PADI3: variants seen among roughly 807,000 people sequenced by gnomAD.
PADI3 encodes the protein protein-arginine deiminase type-3.
PADI3 carries 53 observed loss-of-function variants against 71.5 expected under a neutral mutation model. The observed-to-expected ratio is 0.74, with a 90% CI of 0.59 to 0.93. PADI3 has a LOEUF of 0.93. PADI3 is among the 40% of genes least tolerant of loss of function. PADI3 has a pLI of 0.00. For missense variants in PADI3, 821 were observed against 868.0 expected (o/e 0.95, Z 0.68); for synonymous variants, 361 against 347.5 (o/e 1.04, Z -0.43).
Position 17,273,450 on chromosome 1 carries a change from G to A in PADI3, c.1155+3G>A. 1.2e-6 allele frequency: 2 copies of A among 1,602,194 alleles called. No homozygotes were observed. The highest frequency in any genetic ancestry group is 1.7e-6 in the Non-Finnish European group (2 of 1,169,856). Reference sequence around the variant, plus strand: ...ATTTCCCTTACAAAAGAATCCTGGTGAGTGGTCCCGGCCGCAGCCCACCCC... The same window carrying A: ...ATTTCCCTTACAAAAGAATCCTGGTAAGTGGTCCCGGCCGCAGCCCACCCC... On this transcript the variant is annotated splice_donor_region_variant and intron_variant, in intron 10 of 15. Coordinates refer to ENST00000375460, the MANE Select transcript of PADI3 (RefSeq NM_016233.2).
At chr1:17,263,019 A>G (rs868212412) in intron 3 of PADI3, among the ~76,000 whole-genome samples, 1 of 152,306 alleles carries the variant, frequency 6.6e-6, no homozygotes, top group Middle Eastern at 3.4e-3. Context: ...GGTTCAAACG[A>G]TTCTCCTACC....
intron 4 of PADI3, among the ~76,000 whole-genome samples, chr1:17,266,267 T>C (rs1184763497): frequency 2.0e-5 from 3 of 152,104 alleles, no homozygotes; most frequent in African/African-American, 7.2e-5. Flanking sequence ...TGGAACTTGG[T>C]GCCCTGGGAG....
chr1:17,274,775 C>G lies in PADI3; in HGVS notation c.1296C>G (p.Gly432=). Residue 432 remains glycine, a synonymous_variant, in exon 11 of 16, where the codon GGC becomes GGG. Coordinates refer to ENST00000375460, the MANE Select transcript of PADI3 (RefSeq NM_016233.2). The stretch of plus-strand genomic sequence containing the variant: ...CCCTGGGGAGGATCCTCATTGGGGG[C>G]AACCTGCCTGGGTGAGAGAGAGACA... ...EYPLGRILIG[G]NLPGSSGRRV... The G allele has an allele frequency of 6.2e-7, 1 of 1,613,428 alleles. No homozygotes were observed. Among genetic ancestry groups the G allele is most frequent in the Non-Finnish European group, 8.5e-7 (1 of 1,179,628 alleles).
chr1:17,262,612 G>T (rs953974115), intron 3 of PADI3, among the ~76,000 whole-genome samples: 10 of 152,090 alleles, frequency 6.6e-5, no homozygotes, highest in African/African-American at 2.4e-4. Context: ...GAACAGATGG[G>T]GAATTTCAAC....
intron 1 of PADI3, among the ~76,000 whole-genome samples, chr1:17,254,386 G>A (rs1008372653): frequency 1.3e-5 from 2 of 152,160 alleles, no homozygotes; most frequent in African/African-American, 4.8e-5. Flanking sequence ...CTCCTAAAAT[G>A]TCTGATTTTG....
intron 4 of PADI3, 30 bp from the exon 5 acceptor site, chr1:17,266,689 T>C: frequency 6.3e-7 from 1 of 1,583,384 alleles, no homozygotes; most frequent in Non-Finnish European, 8.7e-7. Flanking sequence ...ATCTGAGCCC[T>C]CATCACTGGC....
At chr1:17,276,410 T>C in intron 11 of PADI3, 109 bp from the exon 12 acceptor site, 2 of 1,020,174 alleles carry the variant, frequency 2.0e-6, no homozygotes, top group Non-Finnish European at 3.0e-6. Context: ...TGCATGTTTT[T>C]TTGTTTTTTA....
Position 17,280,656 on chromosome 1 carries a change from C to T in PADI3, c.1636-15C>T, listed in dbSNP as rs2073388759. ...TGGCAAGGTGTCCCCAACTCTGGCC[C>T]TCCCCTGCCCCCAGAGCTGCATCGA... On this transcript the variant is annotated splice_polypyrimidine_tract_variant and intron_variant, in intron 14 of 15. Transcript: ENST00000375460. 2 of 1,614,060 alleles carry T rather than the reference C, an allele frequency of 1.2e-6. No individual in the cohort carries two copies. Among genetic ancestry groups the T allele is most frequent in the East Asian group, 4.5e-5 (2 of 44,886 alleles).
At chr1:17,254,617 A>C (rs1231862265) in intron 1 of PADI3, among the ~76,000 whole-genome samples, 1 of 152,018 alleles carries the variant, frequency 6.6e-6, no homozygotes, top group Non-Finnish European at 1.5e-5. Flanking sequence ...TTCCTCACCA[A>C]TGCCCCGTCT....
At chr1:17,281,631 T>G (rs1328420495) in intron 15 of PADI3, among the ~76,000 whole-genome samples, 1 of 152,054 alleles carries the variant, frequency 6.6e-6, no homozygotes, top group African/African-American at 2.4e-5. Context: ...TTCTGTATTT[T>G]TAGTAGAGAT....
At chr1:17,265,131 C>A (rs1428060623) in intron 3 of PADI3, among the ~76,000 whole-genome samples, 1 of 151,924 alleles carries the variant, frequency 6.6e-6, no homozygotes, top group Non-Finnish European at 1.5e-5. Flanking sequence ...TGATTCTGAC[C>A]TCCTGAATGC....
intron 9 of PADI3, 78 bp from the exon 10 acceptor site, chr1:17,273,251 CAGTCTGCCCCA>C: frequency 1.1e-5 from 10 of 940,958 alleles, no homozygotes; most frequent in Non-Finnish European, 1.6e-5. Flanking sequence ...ACTTGGTGAG[CAGTCTGCCCCA>C]CAGGGCTCAG....
At chr1:17,259,492 G>A (rs1557499923) in intron 1 of PADI3, 86 bp from the exon 2 acceptor site, 4 of 1,295,006 alleles carry the variant, frequency 3.1e-6, no homozygotes, top group Non-Finnish European at 3.2e-6. Flanking sequence ...AAGCTTCCTG[G>A]AGGAAGCAGG....
chr1:17,260,494 C>T (rs547142471), intron 2 of PADI3, among the ~76,000 whole-genome samples: 1 of 152,296 alleles, frequency 6.6e-6, no homozygotes, highest in East Asian at 1.9e-4. Context: ...GCCATGACCT[C>T]ATCCAGCCCT....
chr1:17,263,007 T>A (rs2073122292), intron 3 of PADI3, among the ~76,000 whole-genome samples: 1 of 152,178 alleles, frequency 6.6e-6, no homozygotes, highest in South Asian at 2.1e-4. Context: ...CTCCGCCTCC[T>A]GGGTTCAAAC....
intron 2 of PADI3, among the ~76,000 whole-genome samples, chr1:17,261,442 G>A (rs1311548026): frequency 6.6e-6 from 1 of 152,198 alleles, no homozygotes; most frequent in Non-Finnish European, 1.5e-5. Flanking sequence ...GAGAAGATCA[G>A]TAACTTTTCC....
At position 17,249,151 on chromosome 1, in the gene PADI3, G is replaced by C; in HGVS notation, c.14G>C (p.Arg5Thr). 1.2e-6 allele frequency: 2 copies of C among 1,614,158 alleles called. No homozygotes were observed. Among genetic ancestry groups the C allele is most frequent in the Non-Finnish European group, 1.7e-6 (2 of 1,180,010 alleles). Residue 5 changes from arginine (R) to threonine (T), a missense_variant, in exon 1 of 16, where the codon AGA (arginine) becomes ACA (threonine). Coordinates refer to ENST00000375460, the MANE Select transcript of PADI3 (RefSeq NM_016233.2). MSLQ[R>T]IVRVSLEHPT... is the part of the protein sequence containing the mutation. ...TCCAACACCAGCATGTCGCTGCAGA[G>C]AATCGTGCGTGTGTCCCTGGAGCAT...
chr1:17,271,735 C>A (rs2073255008), intron 9 of PADI3, among the ~76,000 whole-genome samples: 1 of 150,586 alleles, frequency 6.6e-6, no homozygotes, highest in Non-Finnish European at 1.5e-5. Flanking sequence ...GTAGTCCCAG[C>A]TACTCTGGAG....
chr1:17,262,652 A>G (rs916839677), intron 3 of PADI3, among the ~76,000 whole-genome samples: 3 of 152,230 alleles, frequency 2.0e-5, no homozygotes, highest in African/African-American at 4.8e-5. Flanking sequence ...AAAGAGTCAA[A>G]TGGAAATGCT....
Sources: allele counts gnomAD v4.1 joint callset (sites outside exome capture counted in the v4.1 genomes callset), GRCh38; gene constraint gnomAD v4.1.1; transcripts MANE v1.5; gene names NCBI Gene and HGNC (gene_info 2026-07-23, HGNC 2026-07-21).